The following ADAM10 variants were observed in gnomAD, a reference collection of about 807,000 sequenced individuals.
ADAM10 encodes the protein ADAM metallopeptidase domain 10.
Under a neutral mutation model 90.1 loss-of-function variants are expected in ADAM10, and 17 were observed. That is an observed-to-expected ratio of 0.19 (90% CI 0.13 to 0.28). The LOEUF is 0.28. Among genes scored for constraint, ADAM10 ranks in the 10% least tolerant of loss-of-function variants. The pLI is 1.00. For synonymous variants in ADAM10, 310 were observed against 298.6 expected, an observed-to-expected ratio of 1.04 and a Z score of -0.40; for missense variants, 610 against 914.3, an observed-to-expected ratio of 0.67 and a Z score of 4.29.
At position 58,646,051 on chromosome 15, in the gene ADAM10, A is replaced by G. The variant is rs781181758; in HGVS notation, c.735+4T>C. 6.2e-7 allele frequency: 1 copy of G among 1,613,404 alleles called. No homozygotes were observed. Among genetic ancestry groups the G allele is most frequent in the South Asian group, 1.1e-5 (1 of 91,074 alleles). ...CTACTAAAATAGCGCATAATCATAA[A>G]TACCTGGGCAATCACAGCTTCTCGT... is the stretch of plus-strand genomic sequence containing the variant. On this transcript the variant is annotated splice_donor_region_variant and intron_variant, in intron 6 of 15. Coordinates refer to ENST00000260408, the MANE Select transcript of ADAM10 (RefSeq NM_001110.4).
chr15:58,711,343 T>C (rs1416387613), intron 2 of ADAM10, among the ~76,000 whole-genome samples: 1 of 152,216 alleles, frequency 6.6e-6, no homozygotes, highest in Admixed American at 6.5e-5. Flanking sequence ...GTTTTAAACT[T>C]AGTATACTAA....
At chr15:58,703,855 T>G (rs1898200498) in intron 2 of ADAM10, 1 of 152,814 alleles carries the variant, frequency 6.5e-6, no homozygotes, top group Admixed American at 6.5e-5. Context: ...CTGTACAGCC[T>G]GCAGAACCAT....
intron 2 of ADAM10, among the ~76,000 whole-genome samples, chr15:58,685,322 G>A (rs879266882): frequency 1.9e-4 from 28 of 151,078 alleles, no homozygotes; most frequent in South Asian, 6.3e-4. Context: ...TTAGCCGGGC[G>A]TGGTGACGGG....
rs147677993 is a variant in ADAM10, at chr15:58,669,451, T to C, written c.485-4254A>G. Among the ~76,000 whole-genome samples, 1,044 of 152,188 alleles carry C rather than the reference T, an allele frequency of 6.9e-3. 13 individuals carry two copies. Among genetic ancestry groups the C allele is most frequent in the African/African-American group, 0.024 (999 of 41,510 alleles). On this transcript the variant is annotated intron_variant, in intron 4 of 15. Coordinates refer to ENST00000260408, the MANE Select transcript of ADAM10 (RefSeq NM_001110.4). ...CAGAACTGTGAGGTCAGGAAAAAATTCTAGGAGATTACACCTAAGTTGTAT... is the reference window on the plus strand; with the variant it reads ...CAGAACTGTGAGGTCAGGAAAAAATCCTAGGAGATTACACCTAAGTTGTAT...
chr15:58,673,044 T>C (rs184517787), intron 4 of ADAM10: 5 of 187,730 alleles, frequency 2.7e-5, no homozygotes, highest in Admixed American at 1.5e-4. Context: ...TTTTAAACTG[T>C]ACAGTTAACA....
chr15:58,653,370 T>C, intron 5 of ADAM10, among the ~76,000 whole-genome samples: 1 of 152,184 alleles, frequency 6.6e-6, no homozygotes, highest in East Asian at 1.9e-4. Context: ...ACATTACTTT[T>C]ATTATGTTGA....
At chr15:58,691,614 T>C (rs769691318) in intron 2 of ADAM10, 1 of 459,396 alleles carries the variant, frequency 2.2e-6, no homozygotes, top group East Asian at 6.0e-5. Flanking sequence ...CTCATCTAAT[T>C]TCTTGTTATT....
chr15:58,623,828 G>C (rs984774134), intron 10 of ADAM10, among the ~76,000 whole-genome samples: 19 of 152,118 alleles, frequency 1.2e-4, no homozygotes, highest in Admixed American at 3.3e-4. Context: ...TAGAAGGTGA[G>C]GGGAGGGAGC....
At position 58,589,449 on chromosome 15, in the gene ADAM10, G is replaced by T. The variant is rs908529496; in HGVS notation, c.*8098C>A. 6.6e-6 allele frequency: 1 copy of T among 152,180 alleles called. No individual in the cohort carries two copies. The highest frequency in any genetic ancestry group is 1.5e-5 in the Non-Finnish European group (1 of 68,064). 9.4% of individuals were successfully genotyped at this position (152,180 alleles called of 1,614,324 possible). On this transcript the variant is annotated 3_prime_UTR_variant, in exon 16 of 16. Coordinates refer to ENST00000260408, the MANE Select transcript of ADAM10 (RefSeq NM_001110.4). ...TTCCCACTACCTACCTACCATGCTC[G>T]ATATGCACTTCCTCTGAGCTACCAG...
intron 1 of ADAM10, among the ~76,000 whole-genome samples, chr15:58,737,322 T>C (rs1899462925): frequency 6.6e-6 from 1 of 152,158 alleles, no homozygotes; most frequent in South Asian, 2.1e-4. Flanking sequence ...AAGCTGCTTT[T>C]CTCCCCTCAA....
At chr15:58,621,329 T>A in intron 11 of ADAM10, 142 bp downstream of exon 11, 8 of 582,964 alleles carry the variant, frequency 1.4e-5, no homozygotes, top group Non-Finnish European at 2.1e-5. Context: ...TAACCAACAC[T>A]ACTTCAGAAA....
Position 58,691,657 on chromosome 15 carries a change from G to C in ADAM10, c.207-9343C>G, listed in dbSNP as rs371953504. The stretch of plus-strand genomic sequence containing the variant: ...TCTTCTGCCAGCCCAGAGAAGCTAA[G>C]CTCAAGCCACTTCTTCTTCTTTTTT... On this transcript the variant is annotated intron_variant, in intron 2 of 15. Coordinates refer to ENST00000260408, the MANE Select transcript of ADAM10 (RefSeq NM_001110.4). The C allele has an allele frequency of 6.2e-5, 22 of 352,994 alleles. No individual in the cohort carries two copies. In the East Asian group the frequency reaches 1.5e-3, roughly 24 times the overall value. The allele number at this position is 352,994 out of a possible 1,614,324, so 21.9% of individuals were successfully genotyped here. A position where few individuals can be genotyped will look rare whatever the true frequency, so the allele number is the denominator to read the frequency against.
At chr15:58,721,146 A>G (rs1002628148) in intron 1 of ADAM10, among the ~76,000 whole-genome samples, 6 of 152,252 alleles carry the variant, frequency 3.9e-5, no homozygotes, top group Admixed American at 3.9e-4. Flanking sequence ...CTGAAATTCT[A>G]CTGGGAGAGT....
intron 2 of ADAM10, among the ~76,000 whole-genome samples, chr15:58,707,828 G>A (rs555203973): frequency 6.6e-6 from 1 of 152,270 alleles, no homozygotes; most frequent in African/African-American, 2.4e-5. Context: ...TGTAATCCTA[G>A]CACTTTGGGA....
chr15:58,684,173 T>A (rs1204575973), intron 2 of ADAM10, among the ~76,000 whole-genome samples: 2 of 152,208 alleles, frequency 1.3e-5, no homozygotes, highest in African/African-American at 4.8e-5. Flanking sequence ...TCAGTACAGA[T>A]GCAACCATGC....
chr15:58,635,258 G>C (rs1450416067), intron 8 of ADAM10, among the ~76,000 whole-genome samples: 1 of 102,504 alleles, frequency 9.8e-6, no homozygotes, highest in African/African-American at 4.1e-5. Flanking sequence ...CTGGGTGACA[G>C]AGCAAGACTC....
At chr15:58,744,060 G>A (rs1899707702) in intron 1 of ADAM10, among the ~76,000 whole-genome samples, 1 of 152,148 alleles carries the variant, frequency 6.6e-6, no homozygotes, top group African/African-American at 2.4e-5. Flanking sequence ...GCAACCTAAT[G>A]AGAATACATT....
chr15:58,683,500 TG>T (rs1367224269), intron 2 of ADAM10, among the ~76,000 whole-genome samples: 1 of 152,148 alleles, frequency 6.6e-6, no homozygotes, highest in East Asian at 1.9e-4. Context: ...TTTCTAGAAA[TG>T]TATCTTACAT....
intron 7 of ADAM10, among the ~76,000 whole-genome samples, chr15:58,641,228 G>A (rs1335016744): frequency 6.6e-6 from 1 of 152,170 alleles, no homozygotes; most frequent in African/African-American, 2.4e-5. Context: ...CCAGATTCCT[G>A]AACACTGAAC....
Sources: allele counts gnomAD v4.1 joint callset (sites outside exome capture counted in the v4.1 genomes callset), GRCh38; gene constraint gnomAD v4.1.1; transcripts MANE v1.5; gene names NCBI Gene and HGNC (gene_info 2026-07-23, HGNC 2026-07-21).